The following PTPRE variants were observed in gnomAD, a reference collection of about 807,000 sequenced individuals.
PTPRE encodes receptor-type tyrosine-protein phosphatase epsilon.
PTPRE carries 51 observed loss-of-function variants against 102.0 expected under a neutral mutation model. The observed-to-expected ratio is 0.50, with a 90% CI of 0.40 to 0.63. The LOEUF (loss-of-function observed/expected upper bound fraction) is 0.63, where lower values mean the gene tolerates loss of function less well. Among genes scored for constraint, PTPRE ranks in the 30% least tolerant of loss-of-function variants. The pLI is 0.00. For missense variants in PTPRE, 752 were observed against 915.1 expected (o/e 0.82, Z 2.30); for synonymous variants, 345 against 348.2 (o/e 0.99, Z 0.10).
chr10:127,940,211 C>T (rs1345395645), intron 1 of PTPRE, among the ~76,000 whole-genome samples: 4 of 152,110 alleles, frequency 2.6e-5, no homozygotes, highest in African/African-American at 9.7e-5. Context: ...CCATCCTATA[C>T]ACCCATCCCA....
In PTPRE at chr10:127,950,953, C is replaced by T. The variant is rs112822154; in HGVS notation, c.-30-31321C>T. Among the ~76,000 whole-genome samples, 576 of 152,058 alleles carry T rather than the reference C, an allele frequency of 3.8e-3. 2 individuals are homozygous for T. The highest frequency in any genetic ancestry group is 6.8e-3 in the Non-Finnish European group (460 of 67,966). On this transcript the variant is annotated intron_variant, in intron 1 of 20. Transcript: ENST00000254667. ...CTACTAAAAATACAAAAAAATTAGC[C>T]GGGCATCGTGGCGGGCGCCTATAGT...
chr10:127,954,664 G>T (rs960587225), intron 1 of PTPRE, among the ~76,000 whole-genome samples: 4 of 152,128 alleles, frequency 2.6e-5, no homozygotes, highest in Non-Finnish European at 5.9e-5. Context: ...GCACCAGCTA[G>T]GTGACAATGC....
At position 128,002,139 on chromosome 10, in the gene PTPRE, C is replaced by T. The variant is rs577115979; in HGVS notation, c.-8+19843C>T. On this transcript the variant is annotated intron_variant, in intron 2 of 20. Transcript: ENST00000254667. ...ACCTCCGGGGCAGCCACGGTCTCAG[C>T]CGTCGCCCCCGCTGACAGCCAGAGC... 3.0e-3 allele frequency among the ~76,000 whole-genome samples: 453 copies of T among 152,272 alleles called. 6 individuals are homozygous for T. Among genetic ancestry groups the T allele is most frequent in the African/African-American group, 0.01 (433 of 41,552 alleles).
intron 2 of PTPRE, among the ~76,000 whole-genome samples, chr10:128,037,814 A>T (rs1173242252): frequency 6.6e-6 from 1 of 152,112 alleles, no homozygotes; most frequent in Non-Finnish European, 1.5e-5. Flanking sequence ...ATTTTTTTAT[A>T]TGAGTCTCGC....
At chr10:127,999,985 G>A (rs981705240) in intron 2 of PTPRE, 8 of 984,224 alleles carry the variant, frequency 8.1e-6, no homozygotes, top group Non-Finnish European at 9.7e-6. Flanking sequence ...GATGCACAGC[G>A]CAGACGCGGA....
chr10:127,948,427 G>A (rs748132857), intron 1 of PTPRE, among the ~76,000 whole-genome samples: 11 of 152,222 alleles, frequency 7.2e-5, no homozygotes, highest in African/African-American at 2.2e-4. Flanking sequence ...CTATGCATTT[G>A]GACAGATATA....
rs1057439573 is a variant in PTPRE, at chr10:128,019,420, C to T, written c.-7-21455C>T. On this transcript the variant is annotated intron_variant, in intron 2 of 20. Coordinates refer to ENST00000254667, the MANE Select transcript of PTPRE (RefSeq NM_006504.6). ...GGTCACTGCCCTCCTCTCATCCCAG[C>T]GTGGCCTCAGCCACCAGGAGGCCTA... Among the ~76,000 whole-genome samples, 7 of 152,346 alleles carry T rather than the reference C, an allele frequency of 4.6e-5. No homozygotes were observed. In the East Asian group the frequency reaches 9.7e-4, roughly 21 times the overall value.
rs977929573 is a variant in PTPRE at position 128,085,265 on chromosome 10, G to C, written c.*2359G>C. ...CCCTGAGGGACTCAGAATCTTCTCC[G>C]TGCAACCTGGAAAGTTCATCTCTTG... On this transcript the variant is annotated 3_prime_UTR_variant, in exon 21 of 21. Transcript: ENST00000254667. The C allele has an allele frequency of 3.1e-6, 1 of 320,114 alleles. No homozygotes were observed. The highest frequency in any genetic ancestry group is 6.4e-6 in the Non-Finnish European group (1 of 156,610). The allele number at this position is 320,114 out of a possible 1,614,324, so 19.8% of individuals were successfully genotyped here. A position where few individuals can be genotyped will look rare whatever the true frequency, so the allele number is the denominator to read the frequency against.
intron 3 of PTPRE, among the ~76,000 whole-genome samples, chr10:128,042,022 A>T (rs1310529411): frequency 6.6e-6 from 1 of 152,214 alleles, no homozygotes; most frequent in Admixed American, 6.5e-5. Flanking sequence ...TTTCCTCTTC[A>T]TGTTGAAACC....
At chr10:127,953,723 G>T (rs1417746378) in intron 1 of PTPRE, among the ~76,000 whole-genome samples, 1 of 152,200 alleles carries the variant, frequency 6.6e-6, no homozygotes, top group African/African-American at 2.4e-5. Flanking sequence ...AGGTGGTTCT[G>T]CATGATATGT....
intron 2 of PTPRE, among the ~76,000 whole-genome samples, chr10:128,000,353 T>C (rs923666938): frequency 4.3e-4 from 65 of 152,320 alleles, no homozygotes; most frequent in African/African-American, 1.6e-3. Context: ...TCAACTAACA[T>C]GAAAATGTTA....
chr10:128,005,323 T>C (rs940644104), intron 2 of PTPRE, among the ~76,000 whole-genome samples: 2 of 152,170 alleles, frequency 1.3e-5, no homozygotes, highest in African/African-American at 4.8e-5. Flanking sequence ...TCTTCCACCC[T>C]TCCGTATACC....
Position 128,070,429 on chromosome 10 carries a change from C to G in PTPRE, c.1272C>G (p.Ile424Met). 1 of 1,613,940 alleles carries G rather than the reference C, an allele frequency of 6.2e-7. No homozygotes were observed. Among genetic ancestry groups the G allele is most frequent in the Non-Finnish European group, 8.5e-7 (1 of 1,179,942 alleles). ...GCACCACCACCCACTTCGACAAGAT[C>G]GGGCTGGAGGAGGAGTTCAGGGTGA... Reference protein sequence around the residue: ...MHGTTTHFDKIGLEEEFRKLT... With the variant: ...MHGTTTHFDKMGLEEEFRKLT... The change falls in exon 14 of 21, where the codon ATC (isoleucine) becomes ATG (methionine). Residue 424 changes from isoleucine to methionine, a missense_variant. By Grantham distance (10) the Ile-to-Met change is conservative. Coordinates refer to ENST00000254667, the MANE Select transcript of PTPRE (RefSeq NM_006504.6). This position sits in a 1 kb window ranked among gnomAD's most constrained non-coding sequence, Gnocchi z 4.8.
At chr10:128,003,347 A>G (rs1019384680) in intron 2 of PTPRE, among the ~76,000 whole-genome samples, 1 of 152,168 alleles carries the variant, frequency 6.6e-6, no homozygotes, top group African/African-American at 2.4e-5. Context: ...GGGAAAAAAA[A>G]ATTTAAGTCA....
intron 2 of PTPRE, among the ~76,000 whole-genome samples, chr10:127,991,669 G>T (rs4350281): frequency 6.6e-6 from 1 of 152,220 alleles, no homozygotes; most frequent in South Asian, 2.1e-4. Flanking sequence ...TTGGGAAGTC[G>T]CGTGGGAGGT....
intron 2 of PTPRE, among the ~76,000 whole-genome samples, chr10:128,013,823 G>T (rs369721669): frequency 2.0e-5 from 3 of 152,188 alleles, no homozygotes; most frequent in Non-Finnish European, 4.4e-5. Flanking sequence ...TGTTTACCCA[G>T]TCTAAGATAT....
Position 128,028,178 on chromosome 10 carries a change from A to G in PTPRE, c.-7-12697A>G, listed in dbSNP as rs1846427160. Among the ~76,000 whole-genome samples the G allele has an allele frequency of 6.6e-6, 1 of 152,154 alleles. No individual in the cohort carries two copies. Among genetic ancestry groups the G allele is most frequent in the African/African-American group, 2.4e-5 (1 of 41,438 alleles). ...CACATTATTCACAGAACTTTCTCCA[A>G]AGGAGGTTAGCCATGTTTGTCAGGC... is the stretch of plus-strand genomic sequence containing the variant. On this transcript the variant is annotated intron_variant, in intron 2 of 20. Coordinates refer to ENST00000254667, the MANE Select transcript of PTPRE (RefSeq NM_006504.6). This position sits in a 1 kb window ranked among gnomAD's most constrained non-coding sequence, Gnocchi z 4.5.
chr10:128,014,460 C>T (rs182734181), intron 2 of PTPRE, among the ~76,000 whole-genome samples: 32 of 152,262 alleles, frequency 2.1e-4, no homozygotes, highest in African/African-American at 7.7e-4. Flanking sequence ...TGACACACCC[C>T]TGTTGGGCTG....
At chr10:127,974,820 C>A (rs927944639) in intron 1 of PTPRE, among the ~76,000 whole-genome samples, 1 of 152,192 alleles carries the variant, frequency 6.6e-6, no homozygotes, top group African/African-American at 2.4e-5. Context: ...ACCAAATTAG[C>A]CACAGATGCT....
Sources: gnomAD v4.1 joint callset for allele counts (sites outside exome capture counted in the v4.1 genomes callset) on GRCh38, gnomAD v4.1.1 for gene constraint, Gnocchi (gnomAD v3.1) non-coding constraint, MANE v1.5 for transcripts, NCBI Gene and HGNC (gene_info 2026-07-23, HGNC 2026-07-21) for gene names.